The following LTBP2 variants were observed in gnomAD, a reference collection of about 807,000 sequenced individuals.
LTBP2 encodes the protein latent transforming growth factor beta binding protein 2.
Under a neutral mutation model 210.6 loss-of-function variants are expected in LTBP2, and 103 were observed. That is an observed-to-expected ratio of 0.49 (90% CI 0.42 to 0.58). The LOEUF (loss-of-function observed/expected upper bound fraction) is 0.58, where lower values mean the gene tolerates loss of function less well. Ranked by LOEUF, LTBP2 falls within the 20% of genes least tolerant of loss-of-function variation. The pLI is 0.00. For synonymous variants in LTBP2, 1,007 were observed against 1,015.0 expected (o/e 0.99, Z 0.15); for missense variants, 2,313 against 2,494.5 (o/e 0.93, Z 1.55).
chr14:74,525,279 C>T, intron 14 of LTBP2, 54 bp from the exon 15 acceptor site: 1 of 1,021,826 alleles, frequency 9.8e-7, no homozygotes, highest in Non-Finnish European at 1.3e-6. Flanking sequence ...CTGGCCATGG[C>T]CCTTCCCTCT....
intron 10 of LTBP2, among the ~76,000 whole-genome samples, chr14:74,532,010 G>A (rs1169488343): frequency 6.6e-6 from 1 of 152,192 alleles, no homozygotes; most frequent in Non-Finnish European, 1.5e-5. Flanking sequence ...GCAGCTCCAT[G>A]AATGCTATGG....
chr14:74,571,104 G>T (rs1269116919), intron 3 of LTBP2, among the ~76,000 whole-genome samples: 1 of 151,512 alleles, frequency 6.6e-6, no homozygotes, highest in Non-Finnish European at 1.5e-5. Context: ...GGCTGAGGTG[G>T]GCGGATCACT....
intron 10 of LTBP2, among the ~76,000 whole-genome samples, chr14:74,531,405 T>C (rs1398220658): frequency 1.3e-5 from 2 of 152,192 alleles, no homozygotes; most frequent in East Asian, 1.9e-4. Flanking sequence ...TTAAGTGATG[T>C]GGAGTAGAAG....
chr14:74,612,009 G>A lies in LTBP2; in HGVS notation c.-65C>T. The A allele has an allele frequency of 7.0e-7, 1 of 1,434,606 alleles. No individual in the cohort carries two copies. Among genetic ancestry groups the A allele is most frequent in the Non-Finnish European group, 9.1e-7 (1 of 1,100,002 alleles). The allele number at this position is 1,434,606 out of a possible 1,614,324, so 88.9% of individuals were successfully genotyped here. On this transcript the variant is annotated 5_prime_UTR_variant, in exon 1 of 36. Transcript: ENST00000261978. Reference sequence around the variant, plus strand: ...GAAGAGCTTTGTGGTCGGCACGCTGGACGCCCGCGGGCTGTTCTCCCGGCC... The same window carrying A: ...GAAGAGCTTTGTGGTCGGCACGCTGAACGCCCGCGGGCTGTTCTCCCGGCC...
chr14:74,521,806 C>T (rs1482518178), intron 17 of LTBP2, 105 bp downstream of exon 17: 4 of 1,473,882 alleles, frequency 2.7e-6, no homozygotes, highest in East Asian at 4.6e-5. Context: ...CAGCTGCCCA[C>T]TCCCCATTCT....
chr14:74,582,258 G>C (rs2088145977), intron 3 of LTBP2, among the ~76,000 whole-genome samples: 1 of 151,856 alleles, frequency 6.6e-6, no homozygotes, highest in Non-Finnish European at 1.5e-5. Context: ...TGGTGACAAT[G>C]GTCCTGGTGG....
At chr14:74,539,339 A>AAGAG (rs796412301) in intron 8 of LTBP2, among the ~76,000 whole-genome samples, 34 of 151,618 alleles carry the variant, frequency 2.2e-4, no homozygotes, top group African/African-American at 8.0e-4. Flanking sequence ...GTGCTTCTCT[A>AAGAG]AGAGAGAGAG....
At chr14:74,521,407 G>C (rs1238346869) in intron 17 of LTBP2, among the ~76,000 whole-genome samples, 2 of 135,180 alleles carry the variant, frequency 1.5e-5, no homozygotes, top group African/African-American at 5.5e-5. Flanking sequence ...ATTTATCAAG[G>C]GTCCCCTGGC....
At chr14:74,507,037 A>C in intron 26 of LTBP2, 142 bp downstream of exon 26, 1 of 1,548,632 alleles carries the variant, frequency 6.5e-7, no homozygotes, top group Non-Finnish European at 8.8e-7. Context: ...GGCATCTTTC[A>C]TAAGCTCTGC....
chr14:74,612,100 C>T lies in LTBP2; in HGVS notation c.-156G>A. Reference sequence around the variant, plus strand: ...AGCGGCCGACTGGGGGCCCGGCTCTCGGCGGAACGAGGGCTGCGCGCCCCG... The same window carrying T: ...AGCGGCCGACTGGGGGCCCGGCTCTTGGCGGAACGAGGGCTGCGCGCCCCG... On this transcript the variant is annotated 5_prime_UTR_variant, in exon 1 of 36. Coordinates refer to ENST00000261978, the MANE Select transcript of LTBP2 (RefSeq NM_000428.3). 1 of 767,264 alleles carries T rather than the reference C, an allele frequency of 1.3e-6. No homozygotes were observed. Among genetic ancestry groups the T allele is most frequent in the South Asian group, 2.3e-5 (1 of 43,258 alleles). 47.5% of individuals were successfully genotyped at this position (767,264 alleles called of 1,614,324 possible). A position where few individuals can be genotyped will look rare whatever the true frequency, so the allele number is the denominator to read the frequency against.
chr14:74,576,598 G>A (rs2088061125), intron 3 of LTBP2, among the ~76,000 whole-genome samples: 1 of 151,888 alleles, frequency 6.6e-6, no homozygotes, highest in African/African-American at 2.4e-5. Context: ...AGCCAGGTCT[G>A]GGGTCACCAC....
chr14:74,525,315 C>G, intron 14 of LTBP2, 90 bp from the exon 15 acceptor site: 5 of 644,252 alleles, frequency 7.8e-6, no homozygotes, highest in Non-Finnish European at 9.5e-6. Context: ...CTCCCAAGAA[C>G]GAAGGGTGAA....
At chr14:74,551,442 C>G (rs2087655899) in intron 6 of LTBP2, 92 bp from the exon 7 acceptor site, 7 of 1,274,418 alleles carry the variant, frequency 5.5e-6, no homozygotes, top group South Asian at 1.6e-5. Flanking sequence ...CTGGGCCAGG[C>G]AGGCCACTGG....
chr14:74,553,614 G>C (rs1257298875), intron 4 of LTBP2, among the ~76,000 whole-genome samples: 1 of 152,120 alleles, frequency 6.6e-6, no homozygotes, highest in East Asian at 1.9e-4. Flanking sequence ...ACTTTATTTG[G>C]TGGGTGATGG....
At chr14:74,556,290 T>G (rs2087727945) in intron 3 of LTBP2, among the ~76,000 whole-genome samples, 1 of 152,224 alleles carries the variant, frequency 6.6e-6, no homozygotes, top group Non-Finnish European at 1.5e-5. Context: ...CAACTACTTT[T>G]GCATATTTTC....
intron 3 of LTBP2, among the ~76,000 whole-genome samples, chr14:74,572,763 AC>A (rs926928196): frequency 5.9e-5 from 9 of 151,996 alleles, no homozygotes; most frequent in African/African-American, 1.9e-4. Flanking sequence ...ACGCATACAC[AC>A]ACATACCCCC....
At position 74,551,356 on chromosome 14, in the gene LTBP2, C is replaced by T; in HGVS notation, c.1400-6G>A. 3.2e-6 allele frequency: 5 copies of T among 1,559,192 alleles called. No individual in the cohort carries two copies. The highest frequency in any genetic ancestry group is 1.2e-5 in the South Asian group (1 of 81,466). On this transcript the variant is annotated splice_polypyrimidine_tract_variant and splice_region_variant and intron_variant, in intron 6 of 35. Transcript: ENST00000261978. ...CAGGGAGGGGTTCACGGAGGCTGGG[C>T]ACAGGGGCTAGAGTCAGAGCCAGGG...
intron 10 of LTBP2, among the ~76,000 whole-genome samples, chr14:74,531,887 A>C (rs1309188995): frequency 6.6e-6 from 1 of 152,252 alleles, no homozygotes; most frequent in Non-Finnish European, 1.5e-5. Flanking sequence ...CCTGGCATAC[A>C]TGCATGTACA....
chr14:74,515,529 T>C (rs1167893915), intron 18 of LTBP2, among the ~76,000 whole-genome samples: 1 of 152,190 alleles, frequency 6.6e-6, no homozygotes, highest in Non-Finnish European at 1.5e-5. Flanking sequence ...AGTGCTGGGA[T>C]TACAGATGTG....
Sources: allele counts gnomAD v4.1 joint callset (sites outside exome capture counted in the v4.1 genomes callset), GRCh38; gene constraint gnomAD v4.1.1; transcripts MANE v1.5; gene names NCBI Gene and HGNC (gene_info 2026-07-23, HGNC 2026-07-21).